PYGL: variants seen among roughly 807,000 people sequenced by gnomAD.
PYGL encodes the protein glycogen phosphorylase L.
In PYGL, 90 loss-of-function variants were observed where a neutral mutation model predicts 100.1. The observed-to-expected ratio is 0.90, with a 90% CI of 0.76 to 1.07. The LOEUF (loss-of-function observed/expected upper bound fraction) is 1.07. PYGL is among the 50% of genes least tolerant of loss of function. The pLI is 0.00. For missense variants in PYGL, 1,016 were observed against 1,057.6 expected (o/e 0.96, Z 0.55); for synonymous variants, 373 against 393.0 (o/e 0.95, Z 0.60).
intron 2 of PYGL, 107 bp downstream of exon 2, chr14:50,937,628 AT>A: frequency 1.8e-6 from 2 of 1,110,970 alleles, no homozygotes; most frequent in Non-Finnish European, 1.4e-6. Context: ...TATAGAGGCG[AT>A]TTTTCACTCT....
Position 50,910,037 on chromosome 14 carries a change from T to C in PYGL, c.2035A>G (p.Asn679Asp). Residue 679 changes from asparagine to aspartate, a missense_variant, in exon 17 of 20, where the codon AAT (asparagine) becomes GAT (aspartate). Physicochemically the swap from Asn to Asp is conservative, Grantham distance 23 (BLOSUM62 1). Transcript: ENST00000216392. ...GCCCCATTTAGCATGAACTTCATAT[T>C]GCCTGTCCCCGAGGCTTCGGTGCCT... is the stretch of plus-strand genomic sequence containing the variant. The part of the protein sequence containing the change: ...TAGTEASGTG[N>D]MKFMLNGALT... 6.2e-7 allele frequency: 1 copy of C among 1,614,214 alleles called. No individual in the cohort carries two copies. The highest frequency in any genetic ancestry group is 2.2e-5 in the East Asian group (1 of 44,892).
chr14:50,910,559 A>G (rs1417802213), intron 16 of PYGL, among the ~76,000 whole-genome samples: 1 of 152,072 alleles, frequency 6.6e-6, no homozygotes, highest in Non-Finnish European at 1.5e-5. Context: ...AGGCTCAAGC[A>G]ATCTTCCTGC....
intron 3 of PYGL, 152 bp from the exon 4 acceptor site, chr14:50,931,928 T>C: frequency 1.6e-6 from 1 of 639,412 alleles, no homozygotes; most frequent in Non-Finnish European, 2.8e-6. Flanking sequence ...ACAATGGGTA[T>C]TGATTTTTAA....
intron 3 of PYGL, among the ~76,000 whole-genome samples, chr14:50,932,541 C>T (rs11845548): frequency 0.06 from 9,078 of 152,258 alleles, 395 homozygotes; most frequent in African/African-American, 0.12. Flanking sequence ...TGGAGTCCTG[C>T]TATACTCCTG....
chr14:50,912,294 G>C lies in PYGL; in HGVS notation c.1630C>G (p.Leu544Val). 1 of 1,614,030 alleles carries C rather than the reference G, an allele frequency of 6.2e-7. No homozygotes were observed. The change falls in exon 14 of 20, where the codon CTG (leucine) becomes GTG (valine). Residue 544 changes from leucine (L) to valine (V), a missense_variant. Leu to Val is a conservative substitution (Grantham distance 32). Coordinates refer to ENST00000216392, the MANE Select transcript of PYGL (RefSeq NM_002863.5). ...GTCTCCAGGAACTGAGAAAACTTCAGCTTATTCTCCTGTTAAGACAGTGCA... is the reference window on the plus strand; with the variant it reads ...GTCTCCAGGAACTGAGAAAACTTCACCTTATTCTCCTGTTAAGACAGTGCA... ...ELAKVKQENK[L>V]KFSQFLETEY...
chr14:50,937,871 C>A, intron 1 of PYGL, 34 bp from the exon 2 acceptor site: 1 of 1,552,848 alleles, frequency 6.4e-7, no homozygotes. Flanking sequence ...ATGTTTCCCC[C>A]AAGAGATCAA....
At chr14:50,931,105 A>G (rs1400600385) in intron 4 of PYGL, among the ~76,000 whole-genome samples, 1 of 152,228 alleles carries the variant, frequency 6.6e-6, no homozygotes, top group Non-Finnish European at 1.5e-5. Flanking sequence ...TAAAAAAATC[A>G]GGACACTTGG....
At chr14:50,906,880 C>T (rs541849070) in intron 19 of PYGL, among the ~76,000 whole-genome samples, 3 of 152,196 alleles carry the variant, frequency 2.0e-5, no homozygotes, top group Non-Finnish European at 4.4e-5. Flanking sequence ...AAGATAAGGG[C>T]TGTAAAGCAG....
At chr14:50,910,584 T>C (rs376757884) in intron 16 of PYGL, among the ~76,000 whole-genome samples, 39 of 152,256 alleles carry the variant, frequency 2.6e-4, no homozygotes, top group African/African-American at 8.2e-4. Context: ...GCCTCCCAAG[T>C]AGCTGCAATT....
intron 1 of PYGL, among the ~76,000 whole-genome samples, chr14:50,941,817 G>T (rs887477309): frequency 1.3e-5 from 2 of 152,190 alleles, no homozygotes; most frequent in African/African-American, 4.8e-5. Context: ...GGCAGAGGTT[G>T]CAGTGAGCCG....
At chr14:50,940,917 A>T (rs2050696784) in intron 1 of PYGL, among the ~76,000 whole-genome samples, 2 of 152,212 alleles carry the variant, frequency 1.3e-5, no homozygotes, top group Non-Finnish European at 2.9e-5. Flanking sequence ...GACAGGCAAG[A>T]GTTGAGCATA....
At chr14:50,911,188 A>G (rs1278189030) in intron 16 of PYGL, among the ~76,000 whole-genome samples, 2 of 152,250 alleles carry the variant, frequency 1.3e-5, no homozygotes, top group African/African-American at 4.8e-5. Context: ...AGAAAGGGAC[A>G]CTGGCTTCTT....
Position 50,908,905 on chromosome 14 carries a change from A to G in PYGL, c.2228T>C (p.Ile743Thr). Residue 743 changes from isoleucine (I) to threonine (T), a missense_variant, in exon 18 of 20, where the codon ATT becomes ACT. Coordinates refer to ENST00000216392, the MANE Select transcript of PYGL (RefSeq NM_002863.5). ...AAAAAAGCCATTGTCAATTTGATCA[A>G]TGACCAGCTTCAGCTCTGGAAGTGC... ...YEALPELKLV[I>T]DQIDNGFFSP... is the part of the protein sequence containing the mutation. The G allele has an allele frequency of 6.8e-7, 1 of 1,471,368 alleles. No homozygotes were observed. Among genetic ancestry groups the G allele is most frequent in the Non-Finnish European group, 9.2e-7 (1 of 1,085,144 alleles). 91.1% of individuals were successfully genotyped at this position (1,471,368 alleles called of 1,614,324 possible). A position where few individuals can be genotyped will look rare whatever the true frequency, so the allele number is the denominator to read the frequency against.
rs1485876556 is a variant in PYGL at position 50,917,079 on chromosome 14, C to T, written c.882G>A (p.Leu294=). 6.2e-7 allele frequency: 1 copy of T among 1,613,962 alleles called. No individual in the cohort carries two copies. The highest frequency in any genetic ancestry group is 2.2e-5 in the East Asian group (1 of 44,900). Residue 294 remains leucine (L), a synonymous_variant, in exon 8 of 20, where the codon TTG becomes TTA. Coordinates refer to ENST00000216392, the MANE Select transcript of PYGL (RefSeq NM_002863.5). ...CAGCCACCACAAAGTATTCCTGCTT[C>T]AATCTTAGCTCCTTCCCTTCAAAAA... The part of the protein sequence containing the change: ...DNFFEGKELR[L]KQEYFVVAAT...
chr14:50,920,698 C>T (rs190359912), intron 6 of PYGL, 75 bp from the exon 7 acceptor site: 15 of 1,414,936 alleles, frequency 1.1e-5, no homozygotes, highest in Non-Finnish European at 1.4e-5. Context: ...CTCACTGGCT[C>T]TGTGCTGTGT....
chr14:50,915,209 T>C, intron 11 of PYGL, 127 bp downstream of exon 11: 2 of 1,167,622 alleles, frequency 1.7e-6, no homozygotes, highest in Non-Finnish European at 2.5e-6. Context: ...GTTTTTTGTA[T>C]AGAAGAAAAT....
intron 7 of PYGL, among the ~76,000 whole-genome samples, chr14:50,920,145 G>C (rs527834106): frequency 2.0e-5 from 3 of 152,208 alleles, no homozygotes; most frequent in Non-Finnish European, 4.4e-5. Context: ...GGACCAGAAA[G>C]AGCCTAGTCA....
In PYGL at chr14:50,912,460, G is replaced by A. The variant is rs879071276; in HGVS notation, c.1621-157C>T. ...CGCAGCCTCCACCTCCCACATTCAA[G>A]CGATTATCCTATCAGGGATTACAGG... On this transcript the variant is annotated intron_variant, in intron 13 of 19. Transcript: ENST00000216392. 23 of 875,772 alleles carry A rather than the reference G, an allele frequency of 2.6e-5. No homozygotes were observed. In the South Asian group the frequency reaches 2.9e-4, roughly 11 times the overall value. The allele number at this position is 875,772 out of a possible 1,614,324, so 54.3% of individuals were successfully genotyped here.
In PYGL at chr14:50,920,951, C is replaced by A. The variant is rs2050494485; in HGVS notation, c.772+5G>T. On this transcript the variant is annotated splice_donor_5th_base_variant and intron_variant, in intron 6 of 19. Coordinates refer to ENST00000216392, the MANE Select transcript of PYGL (RefSeq NM_002863.5). ...TAAAGAAACCAAGGCCTGTGCTGTA[C>A]TCACAGTCTCTGAGGTTAAAGTCAT... 1 of 1,606,062 alleles carries A rather than the reference C, an allele frequency of 6.2e-7. No individual in the cohort carries two copies. The highest frequency in any genetic ancestry group is 8.5e-7 in the Non-Finnish European group (1 of 1,172,674).
Sources: allele counts gnomAD v4.1 joint callset (sites outside exome capture counted in the v4.1 genomes callset), GRCh38; gene constraint gnomAD v4.1.1; transcripts MANE v1.5; gene names NCBI Gene and HGNC (gene_info 2026-07-23, HGNC 2026-07-21).